Variants in HCN1 observed in about 807,000 individuals in gnomAD.
The protein encoded by HCN1 is potassium/sodium hyperpolarization-activated cyclic nucleotide-gated channel 1.
HCN1 carries 13 observed loss-of-function variants against 78.9 expected under a neutral mutation model. The observed-to-expected ratio is 0.16, with a 90% CI of 0.11 to 0.26. The LOEUF is 0.26. Among genes scored for constraint, HCN1 ranks in the 10% least tolerant of loss-of-function variants. The probability of loss-of-function intolerance (pLI) is 1.00; values close to 1 mark genes in which losing one functional copy is unlikely to be tolerated. For missense variants in HCN1, 810 were observed against 1,154.3 expected (o/e 0.70, Z 4.32); for synonymous variants, 552 against 455.5 (o/e 1.21, Z -2.70).
chr5:45,297,204 T>C (rs1745514341), intron 6 of HCN1, among the ~76,000 whole-genome samples: 1 of 152,056 alleles, frequency 6.6e-6, no homozygotes, highest in Non-Finnish European at 1.5e-5. Context: ...AAGGAATACG[T>C]TGGGCTAGTT....
chr5:45,348,328 T>C (rs1222566161), intron 5 of HCN1, among the ~76,000 whole-genome samples: 1 of 152,034 alleles, frequency 6.6e-6, no homozygotes, highest in African/African-American at 2.4e-5. Flanking sequence ...AGAGATTTTG[T>C]CACCAGCAGG....
At position 45,689,877 on chromosome 5, in the gene HCN1, C is replaced by T. The variant is rs146650733; in HGVS notation, c.425+5792G>A. On this transcript the variant is annotated intron_variant, in intron 1 of 7. Coordinates refer to ENST00000303230, the MANE Select transcript of HCN1 (RefSeq NM_021072.4). ...ATGGAGGACAGGTTACATTTTCTGT[C>T]CTAAAACAGCCTGTAAATATCATAA... Among the ~76,000 whole-genome samples, 6 of 152,112 alleles carry T rather than the reference C, an allele frequency of 3.9e-5. No individual in the cohort carries two copies. In the East Asian group the frequency reaches 1.2e-3, roughly 29 times the overall value.
chr5:45,677,989 T>TAA (rs747103509), intron 1 of HCN1, among the ~76,000 whole-genome samples: 2 of 94,100 alleles, frequency 2.1e-5, no homozygotes, highest in African/African-American at 7.3e-5. Flanking sequence ...CACACACACA[T>TAA]ACACACACAC....
chr5:45,587,462 C>T (rs1205361285), intron 2 of HCN1, among the ~76,000 whole-genome samples: 1 of 151,216 alleles, frequency 6.6e-6, no homozygotes, highest in African/African-American at 2.4e-5. Flanking sequence ...AAAAACCAAA[C>T]ACTGCATGTT....
chr5:45,657,057 T>C (rs1417737336), intron 1 of HCN1, among the ~76,000 whole-genome samples: 1 of 152,148 alleles, frequency 6.6e-6, no homozygotes, highest in African/African-American at 2.4e-5. Flanking sequence ...AAGAAAATGA[T>C]TCTACCAGGA....
intron 2 of HCN1, among the ~76,000 whole-genome samples, chr5:45,598,062 C>G (rs1277747876): frequency 1.3e-5 from 2 of 152,056 alleles, no homozygotes; most frequent in Non-Finnish European, 2.9e-5. Context: ...TGGAAAAAAA[C>G]TACTTTAAAG....
chr5:45,369,838 G>A (rs1200530472), intron 4 of HCN1, among the ~76,000 whole-genome samples: 1 of 151,966 alleles, frequency 6.6e-6, no homozygotes, highest in African/African-American at 2.4e-5. Context: ...TGTAATTATA[G>A]CGCAAGCTAA....
At chr5:45,431,767 C>A (rs1409675415) in intron 3 of HCN1, among the ~76,000 whole-genome samples, 5 of 151,990 alleles carry the variant, frequency 3.3e-5, no homozygotes, top group Non-Finnish European at 5.9e-5. Flanking sequence ...TATTTCTGGG[C>A]TCTCTATTCT....
chr5:45,601,304 A>C (rs536635121), intron 2 of HCN1, among the ~76,000 whole-genome samples: 1 of 152,238 alleles, frequency 6.6e-6, no homozygotes, highest in African/African-American at 2.4e-5. Context: ...CTTTTCCAAT[A>C]ATGAATAGAT....
intron 2 of HCN1, among the ~76,000 whole-genome samples, chr5:45,526,818 G>T (rs765076618): frequency 6.6e-6 from 1 of 151,858 alleles, no homozygotes; most frequent in Non-Finnish European, 1.5e-5. Context: ...TTAGGTTCTG[G>T]TCTGTTCTGA....
chr5:45,375,373 T>C (rs1561131401), intron 4 of HCN1, among the ~76,000 whole-genome samples: 1 of 126,058 alleles, frequency 7.9e-6, no homozygotes, highest in Non-Finnish European at 1.6e-5. Flanking sequence ...ATATACAATA[T>C]ATATAATATA....
At chr5:45,270,992 T>C (rs1744950116) in intron 6 of HCN1, among the ~76,000 whole-genome samples, 1 of 152,096 alleles carries the variant, frequency 6.6e-6, no homozygotes, top group Non-Finnish European at 1.5e-5. Context: ...TTACATAGTA[T>C]AGGTACACAT....
intron 2 of HCN1, among the ~76,000 whole-genome samples, chr5:45,518,793 G>C (rs1009091214): frequency 3.3e-5 from 5 of 151,960 alleles, no homozygotes; most frequent in Admixed American, 6.6e-5. Context: ...GGGAATCTTA[G>C]CATATGGGGA....
chr5:45,375,735 A>G (rs1158929508), intron 4 of HCN1, among the ~76,000 whole-genome samples: 1 of 117,304 alleles, frequency 8.5e-6, no homozygotes, highest in African/African-American at 3.4e-5. Context: ...ATATTTTATG[A>G]TATATCTTAT....
At chr5:45,561,133 A>G (rs964319774) in intron 2 of HCN1, among the ~76,000 whole-genome samples, 10 of 152,098 alleles carry the variant, frequency 6.6e-5, no homozygotes, top group Non-Finnish European at 1.5e-4. Context: ...TTTTTAAAAA[A>G]CTTTACTTAA....
At chr5:45,506,248 C>T (rs1233147176) in intron 2 of HCN1, among the ~76,000 whole-genome samples, 1 of 152,054 alleles carries the variant, frequency 6.6e-6, no homozygotes, top group Non-Finnish European at 1.5e-5. Context: ...TATTGTCATG[C>T]TTCAAGTGCA....
At chr5:45,480,131 A>G (rs564800718) in intron 2 of HCN1, 4 of 152,658 alleles carry the variant, frequency 2.6e-5, no homozygotes, top group African/African-American at 9.6e-5. Flanking sequence ...ATACCTACCC[A>G]TGGTTTATAC....
intron 2 of HCN1, among the ~76,000 whole-genome samples, chr5:45,605,504 A>G (rs943281130): frequency 8.6e-5 from 13 of 151,544 alleles, no homozygotes; most frequent in African/African-American, 3.2e-4. Flanking sequence ...TAGTTCTCAG[A>G]CTAATGGTAA....
rs1004478568 is a variant in HCN1, at chr5:45,682,288, T to C, written c.425+13381A>G. On this transcript the variant is annotated intron_variant, in intron 1 of 7. Transcript: ENST00000303230. The stretch of plus-strand genomic sequence containing the variant: ...ATATATATACATATATATATATATA[T>C]ACACATATATATATCCCAATTTTAA... 3.0e-4 allele frequency among the ~76,000 whole-genome samples: 39 copies of C among 128,736 alleles called. 1 individual carries two copies. The Middle Eastern group carries it at 0.014, about 47-fold the overall frequency. 84.5% of individuals were successfully genotyped at this position (128,736 alleles called of 152,430 possible).
Sources: allele counts gnomAD v4.1 joint callset (sites outside exome capture counted in the v4.1 genomes callset), GRCh38; gene constraint gnomAD v4.1.1; transcripts MANE v1.5; gene names NCBI Gene and HGNC (gene_info 2026-07-23, HGNC 2026-07-21).